The following HTD2 variants were observed in gnomAD, a reference collection of about 807,000 sequenced individuals.
HTD2 encodes the protein hydroxyacyl-thioester dehydratase type 2.
A neutral mutation model predicts 3.1 loss-of-function variants in HTD2; 1 was observed. The observed-to-expected ratio is 0.32, with a 90% confidence interval of 0.11 to 1.52. The LOEUF (loss-of-function observed/expected upper bound fraction) is 1.52, where lower values mean the gene tolerates loss of function less well. HTD2 is among the 40% of genes most tolerant of loss of function. HTD2 has a pLI of 0.39. For missense variants in HTD2, 150 were observed against 79.6 expected, an observed-to-expected ratio of 1.88 and a Z score of -3.36; for synonymous variants, 50 against 28.9, an observed-to-expected ratio of 1.73 and a Z score of -2.34.
chr3:58,310,666 C>A, intron 2 of HTD2, 75 bp downstream of exon 2: 1 of 1,289,258 alleles, frequency 7.8e-7, no homozygotes, highest in Non-Finnish European at 1.1e-6. Context: ...GGCGCGGTAG[C>A]TCACGCCTGT....
chr3:58,310,018 G>A, intron 1 of HTD2: 1 of 301,362 alleles, frequency 3.3e-6, no homozygotes, highest in South Asian at 4.4e-5. Context: ...TGGGCAACAT[G>A]GTGAAACCCT....
chr3:58,317,890 T>A lies in HTD2; in HGVS notation c.277T>A (p.Ser93Thr). Reference protein sequence around the residue: ...VHGVLINGLISALLGTKMPGP... With the variant: ...VHGVLINGLITALLGTKMPGP... ...TGGAGTTTTGATCAACGGACTTATCTCAGCTCTCCTAGGAACTAAAATGCC... is the reference window on the plus strand; with the variant it reads ...TGGAGTTTTGATCAACGGACTTATCACAGCTCTCCTAGGAACTAAAATGCC... Residue 93 changes from serine (S) to threonine (T), a missense_variant, in exon 5 of 5, where the codon TCA (serine) becomes ACA (threonine). By Grantham distance (58) the Ser-to-Thr change is moderately conservative (BLOSUM62 1). Coordinates refer to ENST00000461393, the MANE Select transcript of HTD2 (RefSeq NM_001348712.2). 1.4e-6 allele frequency: 1 copy of A among 703,034 alleles called. No individual in the cohort carries two copies. The highest frequency in any genetic ancestry group is 2.7e-5 in the East Asian group (1 of 37,292). 43.5% of individuals were successfully genotyped at this position (703,034 alleles called of 1,614,324 possible).
At chr3:58,307,920 G>A (rs1001318525) in intron 1 of HTD2, 3 of 150,496 alleles carry the variant, frequency 2.0e-5, no homozygotes, top group Non-Finnish European at 4.4e-5. Context: ...ATCGTAAGTA[G>A]CATTGAGTAC....
intron 1 of HTD2, among the ~76,000 whole-genome samples, chr3:58,308,800 G>C (rs1486620672): frequency 6.6e-6 from 1 of 152,190 alleles, no homozygotes; most frequent in African/African-American, 2.4e-5. Flanking sequence ...ACAGTGTTAA[G>C]AGATTGCATA....
In HTD2 at chr3:58,319,408, G is replaced by T. The variant is rs1322999804; in HGVS notation, c.*1288G>T. On this transcript the variant is annotated 3_prime_UTR_variant, in exon 5 of 5. Coordinates refer to ENST00000461393, the MANE Select transcript of HTD2 (RefSeq NM_001348712.2). ...GTTAAGCACAGGGCCCAGCCTGTCAGCAGTAGCTACTATTATTGTTGCCCA... is the reference window on the plus strand; with the variant it reads ...GTTAAGCACAGGGCCCAGCCTGTCATCAGTAGCTACTATTATTGTTGCCCA... The T allele has an allele frequency of 6.6e-6, 1 of 152,228 alleles. No homozygotes were observed. The highest frequency in any genetic ancestry group is 6.5e-5 in the Admixed American group (1 of 15,278). The allele number at this position is 152,228 out of a possible 1,614,324, so 9.4% of individuals were successfully genotyped here.
intron 1 of HTD2, among the ~76,000 whole-genome samples, chr3:58,307,610 C>T (rs2097476914): frequency 6.6e-6 from 1 of 152,140 alleles, no homozygotes; most frequent in African/African-American, 2.4e-5. Context: ...CCTGTAATCC[C>T]AGCTACTCAG....
rs779832537 is a variant in HTD2, at chr3:58,318,260, G to A, written c.*140G>A. On this transcript the variant is annotated 3_prime_UTR_variant, in exon 5 of 5. Coordinates refer to ENST00000461393, the MANE Select transcript of HTD2 (RefSeq NM_001348712.2). ...AGGGGAAGGGAGCAGGAAGAGGGTT[G>A]TTCAAATGCCCACTTTCCAGTTTGG... 7 of 559,624 alleles carry A rather than the reference G, an allele frequency of 1.3e-5. No individual in the cohort carries two copies. The highest frequency in any genetic ancestry group is 2.2e-5 in the Non-Finnish European group (7 of 320,002). The allele number at this position is 559,624 out of a possible 1,614,324, so 34.7% of individuals were successfully genotyped here.
intron 2 of HTD2, among the ~76,000 whole-genome samples, chr3:58,314,137 G>A (rs2097485365): frequency 6.6e-6 from 1 of 151,952 alleles, no homozygotes. Context: ...GATTGCCTGA[G>A]GTCAGGAGTT....
At chr3:58,314,010 T>G (rs2097485196) in intron 2 of HTD2, among the ~76,000 whole-genome samples, 1 of 152,210 alleles carries the variant, frequency 6.6e-6, no homozygotes, top group Non-Finnish European at 1.5e-5. Flanking sequence ...AAACTATGAT[T>G]GCACTACTGC....
At chr3:58,317,042 A>G (rs1402249268) in intron 4 of HTD2, 49 bp downstream of exon 4, 1 of 1,323,762 alleles carries the variant, frequency 7.6e-7, no homozygotes, top group Non-Finnish European at 1.1e-6. Flanking sequence ...GTGATGGGTC[A>G]ACTGCTTCTT....
At chr3:58,314,675 A>ATTTTTTTTTTTTTTTTTTTTTTTT (rs751757663) in intron 2 of HTD2, among the ~76,000 whole-genome samples, 8 of 90,560 alleles carry the variant, frequency 8.8e-5, no homozygotes, top group Non-Finnish European at 9.7e-5. Context: ...GTTTGGCAGT[A>ATTTTTTTTTTTTTTTTTTTTTTTT]TTTTTTTTTT....
At position 58,318,310 on chromosome 3, in the gene HTD2, T is replaced by C. The variant is rs2097490520; in HGVS notation, c.*190T>C. On this transcript the variant is annotated 3_prime_UTR_variant, in exon 5 of 5. Transcript: ENST00000461393. ...GCCTTATGCTTCATGCAGACTTGAG[T>C]GTATGCAGGATTTCATTATCTGCCT... The C allele has an allele frequency of 2.0e-6, 1 of 489,864 alleles. No homozygotes were observed. Among genetic ancestry groups the C allele is most frequent in the South Asian group, 3.9e-5 (1 of 25,478 alleles). 30.3% of individuals were successfully genotyped at this position (489,864 alleles called of 1,614,324 possible). A position where few individuals can be genotyped will look rare whatever the true frequency, so the allele number is the denominator to read the frequency against.
chr3:58,307,586 C>T (rs1218628216), intron 1 of HTD2, among the ~76,000 whole-genome samples: 1 of 152,098 alleles, frequency 6.6e-6, no homozygotes, highest in Non-Finnish European at 1.5e-5. Context: ...GTTAGCTGGG[C>T]GTGATGACGT....
At chr3:58,312,332 G>GCCCCC (rs1217680908) in intron 2 of HTD2, among the ~76,000 whole-genome samples, 39 of 85,304 alleles carry the variant, frequency 4.6e-4, no homozygotes, top group Middle Eastern at 6.1e-3. Flanking sequence ...CACAACCTCC[G>GCCCCC]CACCCCCCCC....
At chr3:58,309,185 A>G (rs2107499442) in intron 1 of HTD2, among the ~76,000 whole-genome samples, 1 of 152,332 alleles carries the variant, frequency 6.6e-6, no homozygotes, top group Admixed American at 6.5e-5. Flanking sequence ...GACTGAGAGT[A>G]AACAAGAAGA....
chr3:58,309,783 T>C (rs894547057), intron 1 of HTD2, among the ~76,000 whole-genome samples: 1 of 152,000 alleles, frequency 6.6e-6, no homozygotes, highest in Non-Finnish European at 1.5e-5. Flanking sequence ...TCCCAGCTAC[T>C]CGGGAGGCTG....
At chr3:58,314,357 A>G (rs1288196934) in intron 2 of HTD2, among the ~76,000 whole-genome samples, 1 of 152,230 alleles carries the variant, frequency 6.6e-6, no homozygotes, top group East Asian at 1.9e-4. Flanking sequence ...TCTCAAAAAA[A>G]TAATAGTAAT....
intron 2 of HTD2, among the ~76,000 whole-genome samples, chr3:58,312,334 A>ACC (rs76719108): frequency 0.011 from 794 of 69,648 alleles, 15 homozygotes; most frequent in African/African-American, 0.039. Flanking sequence ...CAACCTCCGC[A>ACC]CCCCCCCCCG....
In HTD2 at chr3:58,319,352, T is replaced by C. The variant is rs12688; in HGVS notation, c.*1232T>C. 0.36 allele frequency: 55,255 copies of C among 151,964 alleles called. 10,890 individuals are homozygous for C. The highest frequency in any genetic ancestry group is 0.81 in the East Asian group (4,197 of 5,178). The allele number at this position is 151,964 out of a possible 1,614,324, so 9.4% of individuals were successfully genotyped here. A position where few individuals can be genotyped will look rare whatever the true frequency, so the allele number is the denominator to read the frequency against. On this transcript the variant is annotated 3_prime_UTR_variant, in exon 5 of 5. Coordinates refer to ENST00000461393, the MANE Select transcript of HTD2 (RefSeq NM_001348712.2). ...TGTAAAATAGTGGTAGCACATGCCA[T>C]GTGGGATAGTTGGTGGAGATGATAG... is the stretch of plus-strand genomic sequence containing the variant.
Sources: gnomAD v4.1 joint callset for allele counts (sites outside exome capture counted in the v4.1 genomes callset) on GRCh38, gnomAD v4.1.1 for gene constraint, MANE v1.5 for transcripts, NCBI Gene and HGNC (gene_info 2026-07-23, HGNC 2026-07-21) for gene names.